Variants in PDE11A observed in about 807,000 individuals in gnomAD.
PDE11A encodes the protein dual 3',5'-cyclic-AMP and -GMP phosphodiesterase 11A.
A neutral mutation model predicts 100.5 loss-of-function variants in PDE11A; 100 were observed. The ratio of observed to expected loss-of-function variants is 1.00; its 90% CI spans 0.85 to 1.18. PDE11A has a LOEUF of 1.18. Ranked by LOEUF, PDE11A falls within the 50% of genes most tolerant of loss-of-function variation. The pLI, the probability that PDE11A is intolerant of heterozygous loss-of-function variation, is 0.00. For synonymous variants in PDE11A, 381 were observed against 420.8 expected, an observed-to-expected ratio of 0.91 and a Z score of 1.16; for missense variants, 1,141 against 1,152.6, an observed-to-expected ratio of 0.99 and a Z score of 0.15.
chr2:177,724,785 C>T (rs2081576158), intron 12 of PDE11A, among the ~76,000 whole-genome samples: 1 of 150,838 alleles, frequency 6.6e-6, no homozygotes, highest in Non-Finnish European at 1.5e-5. Flanking sequence ...AAAAGAAGCA[C>T]TTTCAAGGAA....
intron 3 of PDE11A, among the ~76,000 whole-genome samples, 196 bp from the exon 4 acceptor site, chr2:177,898,394 CTT>C (rs1319693152): frequency 1.3e-5 from 2 of 152,072 alleles, no homozygotes; most frequent in Non-Finnish European, 2.9e-5. Context: ...CAAAATACAA[CTT>C]GAGAATAGAG....
intron 2 of PDE11A, chr2:177,997,960 C>A (rs1407305324): frequency 8.3e-7 from 1 of 1,212,076 alleles, no homozygotes; most frequent in Non-Finnish European, 1.2e-6. Context: ...AGTCAAGATA[C>A]CAAGGTTAGG....
chr2:177,991,048 GCA>G, intron 2 of PDE11A, among the ~76,000 whole-genome samples: 1 of 151,046 alleles, frequency 6.6e-6, no homozygotes, highest in South Asian at 2.1e-4. Flanking sequence ...TCTTGGCTGG[GCA>G]CAGTGGCTCA....
intron 2 of PDE11A, among the ~76,000 whole-genome samples, chr2:178,013,541 T>C (rs1381694402): frequency 6.6e-6 from 1 of 152,230 alleles, no homozygotes; most frequent in Non-Finnish European, 1.5e-5. Context: ...ATCCAGAAGG[T>C]TAAATTATAA....
At chr2:177,865,934 T>A (rs2084020764) in intron 5 of PDE11A, among the ~76,000 whole-genome samples, 1 of 152,094 alleles carries the variant, frequency 6.6e-6, no homozygotes, top group Admixed American at 6.6e-5. Flanking sequence ...AGCAATGGTA[T>A]GGTTGAACAA....
chr2:177,806,428 C>A (rs73034271), intron 9 of PDE11A, among the ~76,000 whole-genome samples: 17,221 of 152,192 alleles, frequency 0.11, 1,136 homozygotes, highest in African/African-American at 0.19. Context: ...CAATCCCCAG[C>A]TAAAGCATTG....
At chr2:177,936,690 G>A (rs1157373513) in intron 2 of PDE11A, among the ~76,000 whole-genome samples, 1 of 152,216 alleles carries the variant, frequency 6.6e-6, no homozygotes, top group Non-Finnish European at 1.5e-5. Flanking sequence ...GTAGGCCGAA[G>A]TGTGTGGATC....
intron 2 of PDE11A, among the ~76,000 whole-genome samples, chr2:177,926,025 C>G (rs920602671): frequency 6.6e-6 from 1 of 152,050 alleles, no homozygotes; most frequent in African/African-American, 2.4e-5. Flanking sequence ...AATAGGAAAG[C>G]AGCAAAAATT....
chr2:177,842,562 C>G (rs1166687514), intron 5 of PDE11A, among the ~76,000 whole-genome samples: 1 of 152,146 alleles, frequency 6.6e-6, no homozygotes, highest in Non-Finnish European at 1.5e-5. Context: ...GAATATGGAG[C>G]AGGGAAGTGA....
At chr2:177,923,497 T>C (rs1299137880) in intron 2 of PDE11A, among the ~76,000 whole-genome samples, 1 of 152,172 alleles carries the variant, frequency 6.6e-6, no homozygotes, top group Non-Finnish European at 1.5e-5. Context: ...ATCTCAGCTG[T>C]CCCTCACTCT....
intron 1 of PDE11A, chr2:178,038,991 C>G (rs2086651218): frequency 6.6e-6 from 1 of 152,168 alleles, no homozygotes; most frequent in Non-Finnish European, 1.5e-5. Flanking sequence ...ATTCATGAGG[C>G]ATTCCATATT....
At chr2:177,951,965 G>A (rs184494372) in intron 2 of PDE11A, among the ~76,000 whole-genome samples, 4 of 152,312 alleles carry the variant, frequency 2.6e-5, no homozygotes, top group Admixed American at 2.6e-4. Context: ...GTGCAGGTTT[G>A]TTACATAGGT....
chr2:177,980,975 TACACAC>T (rs3073403), intron 2 of PDE11A, among the ~76,000 whole-genome samples: 17,034 of 129,536 alleles, frequency 0.13, 1,368 homozygotes, highest in Middle Eastern at 0.18. Context: ...GAGAACTAGA[TACACAC>T]ACACACACAC....
At chr2:177,806,791 A>G (rs1574161698) in intron 9 of PDE11A, among the ~76,000 whole-genome samples, 1 of 152,094 alleles carries the variant, frequency 6.6e-6, no homozygotes, top group East Asian at 1.9e-4. Flanking sequence ...TTTAGAATAT[A>G]TAGAAAAATT....
rs1328331540 is a variant in PDE11A at position 177,877,287 on chromosome 2, C to T, written c.1303-1364G>A. 3.2e-5 allele frequency among the ~76,000 whole-genome samples: 4 copies of T among 126,222 alleles called. 1 individual carries two copies. Among genetic ancestry groups the T allele is most frequent in the Admixed American group, 1.4e-4 (2 of 13,870 alleles). The allele number at this position is 126,222 out of a possible 152,430, so 82.8% of individuals were successfully genotyped here. A position where few individuals can be genotyped will look rare whatever the true frequency, so the allele number is the denominator to read the frequency against. On this transcript the variant is annotated intron_variant, in intron 4 of 19. Transcript: ENST00000286063. The stretch of plus-strand genomic sequence containing the variant: ...TCAAGTAATTCTCCCACCTCAGCCT[C>T]CCAAGTCGCTGGGATTACAGGGGCG...
chr2:177,955,955 C>A (rs1217416611), intron 2 of PDE11A, among the ~76,000 whole-genome samples: 1 of 152,122 alleles, frequency 6.6e-6, no homozygotes, highest in Non-Finnish European at 1.5e-5. Flanking sequence ...ACCATAAAAA[C>A]CCTAGAAGAA....
At chr2:177,945,453 G>C (rs2085400916) in intron 2 of PDE11A, among the ~76,000 whole-genome samples, 1 of 138,266 alleles carries the variant, frequency 7.2e-6, no homozygotes, top group African/African-American at 2.7e-5. Context: ...TGAGATGTGG[G>C]GAGTGCCTCT....
chr2:177,867,636 GA>G (rs2084053722), intron 5 of PDE11A, among the ~76,000 whole-genome samples: 2 of 152,272 alleles, frequency 1.3e-5, no homozygotes, highest in South Asian at 4.1e-4. Flanking sequence ...TGAGGCAGGA[GA>G]ATCACTTAAA....
chr2:177,841,625 T>C (rs1187319970), intron 5 of PDE11A, among the ~76,000 whole-genome samples: 2 of 152,234 alleles, frequency 1.3e-5, no homozygotes, highest in Non-Finnish European at 2.9e-5. Flanking sequence ...ATAGACATTA[T>C]TTAACATCAT....
Sources: gnomAD v4.1 joint callset for allele counts (sites outside exome capture counted in the v4.1 genomes callset) on GRCh38, gnomAD v4.1.1 for gene constraint, MANE v1.5 for transcripts, NCBI Gene and HGNC (gene_info 2026-07-23, HGNC 2026-07-21) for gene names.